Variants in TMED3 observed in about 807,000 individuals in gnomAD.
The protein encoded by TMED3 is transmembrane p24 trafficking protein 3.
In TMED3, 9 loss-of-function variants were observed where a neutral mutation model predicts 15.0. The ratio of observed to expected loss-of-function variants is 0.60; its 90% CI spans 0.36 to 1.04. The LOEUF (loss-of-function observed/expected upper bound fraction) is 1.04, where lower values mean the gene tolerates loss of function less well. Ranked by LOEUF, TMED3 falls within the 50% of genes least tolerant of loss-of-function variation. The pLI, the probability that TMED3 is intolerant of heterozygous loss-of-function variation, is 0.01. For synonymous variants in TMED3, 117 were observed against 121.4 expected (o/e 0.96, Z 0.24); for missense variants, 267 against 278.9 (o/e 0.96, Z 0.30).
chr15:79,413,860 C>A (rs1053303884), exon 3 of TMED3: 1 of 152,162 alleles, frequency 6.6e-6, no homozygotes, highest in African/African-American at 2.4e-5. Context: ...ACAGTTTTAA[C>A]TTTATGCTAT....
intron 1 of TMED3, among the ~76,000 whole-genome samples, chr15:79,312,758 C>T (rs762439431): frequency 4.2e-4 from 64 of 152,120 alleles, no homozygotes; most frequent in Non-Finnish European, 4.1e-4. Flanking sequence ...ATGAATACTT[C>T]GATCAATATT....
downstream of TMED3, among the ~76,000 whole-genome samples, chr15:79,323,086 A>G (rs2058775007): frequency 6.6e-6 from 1 of 152,212 alleles, no homozygotes; most frequent in African/African-American, 2.4e-5. Context: ...GTTTCCTCTG[A>G]TAATACCTTC....
At chr15:79,350,921 AG>A (rs1486314484) in intron 2 of TMED3, among the ~76,000 whole-genome samples, 1 of 152,200 alleles carries the variant, frequency 6.6e-6, no homozygotes, top group Admixed American at 6.5e-5. Flanking sequence ...AGCTGTGTTT[AG>A]AAATGTTTGA....
Position 79,314,696 on chromosome 15 carries a change from G to T in TMED3, c.417+691G>T, listed in dbSNP as rs533576732. The T allele has an allele frequency of 9.3e-5, 35 of 375,702 alleles. No homozygotes were observed. The Middle Eastern group carries it at 2.0e-3, about 21-fold the overall frequency. The allele number at this position is 375,702 out of a possible 1,614,324, so 23.3% of individuals were successfully genotyped here. A position where few individuals can be genotyped will look rare whatever the true frequency, so the allele number is the denominator to read the frequency against. On this transcript the variant is annotated intron_variant, in intron 2 of 2. Transcript: ENST00000299705. Reference sequence around the variant, plus strand: ...TGTGGCAAAGCTGGATGAAAGGAAGGCTGGCAAGTAGAGCCTTAGCAACAG... The same window carrying T: ...TGTGGCAAAGCTGGATGAAAGGAAGTCTGGCAAGTAGAGCCTTAGCAACAG...
chr15:79,401,683 G>A (rs934468995), intron 2 of TMED3, among the ~76,000 whole-genome samples: 6 of 152,186 alleles, frequency 3.9e-5, no homozygotes, highest in Admixed American at 1.3e-4. Context: ...GGGGTAGTGC[G>A]AAAGAGTTAC....
chr15:79,322,678 A>G lies in TMED3; in HGVS notation c.*464A>G. On this transcript the variant is annotated 3_prime_UTR_variant, in exon 3 of 3. Coordinates refer to ENST00000299705, the MANE Select transcript of TMED3 (RefSeq NM_007364.4). The stretch of plus-strand genomic sequence containing the variant: ...GGGGTTCTCTGTACCTGAGGAAACC[A>G]GGCCCTGGGTGACTTTGCAGATCTG... 1 of 987,394 alleles carries G rather than the reference A, an allele frequency of 1.0e-6. No homozygotes were observed. Among genetic ancestry groups the G allele is most frequent in the Non-Finnish European group, 1.2e-6 (1 of 831,480 alleles). 61.2% of individuals were successfully genotyped at this position (987,394 alleles called of 1,614,324 possible). A position where few individuals can be genotyped will look rare whatever the true frequency, so the allele number is the denominator to read the frequency against.
chr15:79,387,149 C>T (rs527982110), intron 2 of TMED3, among the ~76,000 whole-genome samples: 1 of 152,116 alleles, frequency 6.6e-6, no homozygotes, highest in South Asian at 2.1e-4. Flanking sequence ...GGAAGAGAGT[C>T]TCTTGCATTT....
At chr15:79,377,218 A>G (rs1252342748) in intron 2 of TMED3, among the ~76,000 whole-genome samples, 1 of 151,842 alleles carries the variant, frequency 6.6e-6, no homozygotes, top group Non-Finnish European at 1.5e-5. Context: ...GGTGAGGTGG[A>G]TATGTCATCC....
intron 2 of TMED3, among the ~76,000 whole-genome samples, chr15:79,366,047 C>T (rs140353064): frequency 0.01 from 1,560 of 152,108 alleles, 31 homozygotes; most frequent in African/African-American, 0.035. Flanking sequence ...TGCCTTTCTT[C>T]GTGGTTCAGG....
In TMED3 at chr15:79,385,681, G is replaced by C. The variant is rs78409500; in HGVS notation, c.418-25719G>C. On this transcript the variant is annotated intron_variant, in intron 2 of 2. Coordinates refer to the TMED3 transcript ENST00000424155. ...GTTCCTGGCAACCTCGAAGAGCACA[G>C]GTAGGCTCAGATCCACAGCCACAGT... 3.6e-3 allele frequency among the ~76,000 whole-genome samples: 545 copies of C among 152,254 alleles called. 15 individuals carry two copies. In the South Asian group the frequency reaches 0.05, roughly 14 times the overall value.
intron 2 of TMED3, among the ~76,000 whole-genome samples, chr15:79,409,659 A>C (rs1425864036): frequency 6.6e-6 from 1 of 152,210 alleles, no homozygotes; most frequent in African/African-American, 2.4e-5. Context: ...AAATAAAAGC[A>C]CTTTGTCTGA....
chr15:79,316,963 G>A (rs1055169849), intron 2 of TMED3, among the ~76,000 whole-genome samples: 1 of 152,188 alleles, frequency 6.6e-6, no homozygotes, highest in South Asian at 2.1e-4. Flanking sequence ...GGATGGGGAA[G>A]TAGCATGTTT....
chr15:79,403,207 C>G (rs968643845), intron 2 of TMED3, among the ~76,000 whole-genome samples: 1 of 104,072 alleles, frequency 9.6e-6, no homozygotes, highest in African/African-American at 3.9e-5. Flanking sequence ...TGGGTGACAG[C>G]GGGACTCTGT....
chr15:79,333,922 C>T (rs546889212), intron 2 of TMED3, among the ~76,000 whole-genome samples: 32 of 152,296 alleles, frequency 2.1e-4, no homozygotes, highest in Non-Finnish European at 3.8e-4. Context: ...TATATGCACT[C>T]ACCTCAGCTC....
chr15:79,335,739 G>A (rs1245640967), intron 2 of TMED3, among the ~76,000 whole-genome samples: 1 of 152,174 alleles, frequency 6.6e-6, no homozygotes, highest in African/African-American at 2.4e-5. Context: ...TTTAAAAATT[G>A]CAATACAGCA....
intron 2 of TMED3, among the ~76,000 whole-genome samples, chr15:79,368,647 A>G (rs1893281767): frequency 6.6e-6 from 1 of 152,204 alleles, no homozygotes; most frequent in South Asian, 2.1e-4. Flanking sequence ...GTGAGGCCAA[A>G]ACTGTAATTG....
intron 2 of TMED3, among the ~76,000 whole-genome samples, chr15:79,316,301 A>G (rs1567021758): frequency 6.6e-6 from 1 of 152,236 alleles, no homozygotes; most frequent in Non-Finnish European, 1.5e-5. Context: ...GACCTGGGCC[A>G]GGAGAATGCG....
At chr15:79,363,828 G>A (rs1200355544) in intron 2 of TMED3, among the ~76,000 whole-genome samples, 1 of 152,140 alleles carries the variant, frequency 6.6e-6, no homozygotes, top group Admixed American at 6.6e-5. Flanking sequence ...ACTGACACCG[G>A]GATCGCAGCA....
chr15:79,337,886 A>G (rs1431264969), intron 2 of TMED3, among the ~76,000 whole-genome samples: 1 of 152,266 alleles, frequency 6.6e-6, no homozygotes, highest in Non-Finnish European at 1.5e-5. Context: ...ACATTACAAT[A>G]TAACTCAAAT....
Sources: gnomAD v4.1 joint callset for allele counts (sites outside exome capture counted in the v4.1 genomes callset) on GRCh38, gnomAD v4.1.1 for gene constraint, MANE v1.5 for transcripts, NCBI Gene and HGNC (gene_info 2026-07-23, HGNC 2026-07-21) for gene names.